Variants in POTEJ observed in about 807,000 individuals in gnomAD.
POTEJ encodes the protein POTE ankyrin domain family, member J.
Under a neutral mutation model 69.0 loss-of-function variants are expected in POTEJ, and 11 were observed. The ratio of observed to expected loss-of-function variants is 0.16; its 90% confidence interval spans 0.10 to 0.26. The LOEUF (loss-of-function observed/expected upper bound fraction) is 0.26. Among genes scored for constraint, POTEJ ranks in the 10% least tolerant of loss-of-function variants. The probability of loss-of-function intolerance (pLI) is 1.00; values close to 1 mark genes in which losing one functional copy is unlikely to be tolerated. For missense variants in POTEJ, 327 were observed against 1,045.5 expected, an observed-to-expected ratio of 0.31 and a Z score of 9.48; for synonymous variants, 117 against 381.1, an observed-to-expected ratio of 0.31 and a Z score of 8.07.
intron 13 of POTEJ, among the ~76,000 whole-genome samples, 193 bp from the exon 14 acceptor site, chr2:130,654,728 A>G (rs1686922132): frequency 6.9e-6 from 1 of 144,592 alleles, no homozygotes; most frequent in South Asian, 2.1e-4. Flanking sequence ...TGTAAAAATT[A>G]TCTTCCACAA....
chr2:130,637,762 A>C (rs1170981694), intron 9 of POTEJ, among the ~76,000 whole-genome samples: 30 of 152,356 alleles, frequency 2.0e-4, no homozygotes, highest in African/African-American at 7.0e-4. Flanking sequence ...TAGGGTTTTC[A>C]TCTCCCATGT....
rs374221199 is a variant in POTEJ at position 130,636,526 on chromosome 2, A to G, written c.1299-2093A>G. Among the ~76,000 whole-genome samples, 41 of 145,942 alleles carry G rather than the reference A, an allele frequency of 2.8e-4. 2 individuals are homozygous for G. The East Asian group carries it at 5.6e-3, about 20-fold the overall frequency. ...AGCAGAGACTCTTCTGGCCATCTCA[A>G]CTTTCCCACCACCCTCCCCATCAAA... is the stretch of plus-strand genomic sequence containing the variant. On this transcript the variant is annotated intron_variant, in intron 9 of 14. Coordinates refer to ENST00000409602, the MANE Select transcript of POTEJ (RefSeq NM_001277083.2).
At chr2:130,625,802 G>T (rs1408296605) in intron 6 of POTEJ, among the ~76,000 whole-genome samples, 1 of 137,890 alleles carries the variant, frequency 7.3e-6, no homozygotes, top group Non-Finnish European at 1.5e-5. Context: ...GCAAGTTTAT[G>T]ATATACTTTT....
rs1685299585 is a variant in POTEJ at position 130,613,321 on chromosome 2, TAC to T, written c.410+1381_410+1382del. Among the ~76,000 whole-genome samples, 2 of 118,934 alleles carry T rather than the reference TAC, an allele frequency of 1.7e-5. 1 individual carries two copies. Among genetic ancestry groups the T allele is most frequent in the South Asian group, 5.0e-4 (2 of 4,004 alleles). The allele number at this position is 118,934 out of a possible 152,430, so 78.0% of individuals were successfully genotyped here. ...ATACATATGTATATATACATATATA[TAC>T]ATATGTATATATACATATATATGTG... On this transcript the variant is annotated intron_variant, in intron 1 of 14. Transcript: ENST00000409602.
At chr2:130,615,289 T>G (rs1407504141) in intron 1 of POTEJ, among the ~76,000 whole-genome samples, 1 of 55,540 alleles carries the variant, frequency 1.8e-5, no homozygotes. Context: ...ACAAAAGCAT[T>G]TCTGGAGGTA....
At chr2:130,643,116 T>C (rs1313058397) in intron 10 of POTEJ, among the ~76,000 whole-genome samples, 2 of 147,030 alleles carry the variant, frequency 1.4e-5, no homozygotes, top group East Asian at 3.9e-4. Context: ...ATGTACAGTT[T>C]AGGTGGTCAA....
intron 10 of POTEJ, among the ~76,000 whole-genome samples, chr2:130,641,972 G>T (rs1205343785): frequency 6.6e-6 from 1 of 152,078 alleles, no homozygotes; most frequent in Non-Finnish European, 1.5e-5. Context: ...CTTAGGGAAT[G>T]ATACTCTCCA....
chr2:130,656,137 A>T (rs1218309710), intron 14 of POTEJ, among the ~76,000 whole-genome samples: 1 of 145,592 alleles, frequency 6.9e-6, no homozygotes, highest in Admixed American at 6.8e-5. Flanking sequence ...TGTGGTTGAT[A>T]GGTTAGATAT....
At chr2:130,640,546 C>T (rs1356275726) in intron 10 of POTEJ, among the ~76,000 whole-genome samples, 1 of 151,860 alleles carries the variant, frequency 6.6e-6, no homozygotes, top group African/African-American at 2.4e-5. Flanking sequence ...GTGCTGTTGA[C>T]AGTGTTTTAT....
At chr2:130,641,052 C>G (rs1686348797) in intron 10 of POTEJ, among the ~76,000 whole-genome samples, 1 of 152,186 alleles carries the variant, frequency 6.6e-6, no homozygotes, top group East Asian at 1.9e-4. Flanking sequence ...TCTGTCATAT[C>G]TACTTAACCG....
rs535144623 is a variant in POTEJ, at chr2:130,651,892, G to A, written c.1668-3029G>A. Among the ~76,000 whole-genome samples, 40 of 144,018 alleles carry A rather than the reference G, an allele frequency of 2.8e-4. 7 individuals are homozygous for A. The highest frequency in any genetic ancestry group is 5.5e-4 in the Non-Finnish European group (36 of 65,424). 94.5% of individuals were successfully genotyped at this position (144,018 alleles called of 152,430 possible). ...TGAAGAAAATTTATGAGATCATTTT[G>A]TTTTCAAACAAAATCATAAGTAATA... On this transcript the variant is annotated intron_variant, in intron 13 of 14. Transcript: ENST00000409602.
At chr2:130,654,771 A>C (rs1233207570) in intron 13 of POTEJ, 150 bp from the exon 14 acceptor site, 2 of 652,662 alleles carry the variant, frequency 3.1e-6, no homozygotes, top group Admixed American at 3.2e-5. Context: ...GGTTGGGGAC[A>C]CCTGGTTAAC....
chr2:130,629,229 G>A (rs1464514971), intron 6 of POTEJ, among the ~76,000 whole-genome samples: 7 of 146,832 alleles, frequency 4.8e-5, no homozygotes, highest in Admixed American at 1.3e-4. Context: ...CCAGCTCAGC[G>A]GATTTGCATC....
intron 3 of POTEJ, among the ~76,000 whole-genome samples, chr2:130,618,774 C>CTTTTTTTTTTTTTTT (rs1204750696): frequency 3.1e-5 from 1 of 32,206 alleles, no homozygotes; most frequent in Non-Finnish European, 5.0e-5. Flanking sequence ...ATTAATCTGA[C>CTTTTTTTTTTTTTTT]TTTTTTTTTT....
At chr2:130,613,243 T>C (rs1468339475) in intron 1 of POTEJ, among the ~76,000 whole-genome samples, 8 of 137,126 alleles carry the variant, frequency 5.8e-5, no homozygotes, top group Admixed American at 3.0e-4. Flanking sequence ...TACATATATA[T>C]ACATATATAT....
Position 130,655,430 on chromosome 2 carries a change from T to C in POTEJ, c.1788+389T>C, listed in dbSNP as rs201830231. 2.9e-4 allele frequency among the ~76,000 whole-genome samples: 44 copies of C among 152,346 alleles called. No homozygotes were observed. The East Asian group carries it at 7.7e-3, about 27-fold the overall frequency. ...TTCACTGATAAGAAAGTAGGAAATG[T>C]ACAGCTGGGTCAGAGGCCACATTGT... On this transcript the variant is annotated intron_variant, in intron 14 of 14. Transcript: ENST00000409602.
At chr2:130,625,904 G>T (rs566683478) in intron 6 of POTEJ, among the ~76,000 whole-genome samples, 1 of 134,448 alleles carries the variant, frequency 7.4e-6, no homozygotes, top group East Asian at 2.0e-4. Flanking sequence ...GATGAACAGT[G>T]GCTAAAACAG....
At chr2:130,641,307 T>C (rs887286319) in intron 10 of POTEJ, among the ~76,000 whole-genome samples, 4 of 152,014 alleles carry the variant, frequency 2.6e-5, no homozygotes, top group South Asian at 2.1e-4. Context: ...CAATGTATTA[T>C]AAGGTTTTCA....
intron 5 of POTEJ, among the ~76,000 whole-genome samples, chr2:130,622,665 A>T (rs1468275866): frequency 7.2e-6 from 1 of 139,806 alleles, no homozygotes; most frequent in African/African-American, 2.9e-5. Flanking sequence ...CATGATAATG[A>T]AAATTGTCCC....
Sources: gnomAD v4.1 joint callset for allele counts (sites outside exome capture counted in the v4.1 genomes callset) on GRCh38, gnomAD v4.1.1 for gene constraint, MANE v1.5 for transcripts, NCBI Gene and HGNC (gene_info 2026-07-23, HGNC 2026-07-21) for gene names.